LMX1B: variants seen among roughly 807,000 people sequenced by gnomAD.
LMX1B encodes LIM homeobox transcription factor 1 beta.
A neutral mutation model predicts 51.4 loss-of-function variants in LMX1B; 12 were observed. The ratio of observed to expected loss-of-function variants is 0.23; its 90% CI spans 0.15 to 0.38. The LOEUF (loss-of-function observed/expected upper bound fraction) is 0.38, where lower values mean the gene tolerates loss of function less well. LMX1B is among the 10% of genes least tolerant of loss of function. LMX1B has a pLI of 1.00. For synonymous variants in LMX1B, 237 were observed against 235.4 expected, an observed-to-expected ratio of 1.01 and a Z score of -0.06; for missense variants, 445 against 571.1, an observed-to-expected ratio of 0.78 and a Z score of 2.25.
At chr9:126,691,600 T>C (rs1426076969) in intron 3 of LMX1B, among the ~76,000 whole-genome samples, 1 of 152,160 alleles carries the variant, frequency 6.6e-6, no homozygotes, top group Non-Finnish European at 1.5e-5. Flanking sequence ...ACACCTCTTG[T>C]TCTCTGGCCC....
intron 2 of LMX1B, among the ~76,000 whole-genome samples, chr9:126,643,465 C>T (rs1017593093): frequency 1.9e-4 from 29 of 152,176 alleles, no homozygotes; most frequent in African/African-American, 5.3e-4. Context: ...TCTGAACCTC[C>T]GTTGCCTCCT....
intron 2 of LMX1B, among the ~76,000 whole-genome samples, chr9:126,665,616 C>T (rs1836327181): frequency 6.6e-6 from 1 of 152,328 alleles, no homozygotes; most frequent in South Asian, 2.1e-4. Flanking sequence ...CGGGGTTGCC[C>T]TGTCTCTGAT....
chr9:126,639,066 G>A (rs1282537702), intron 2 of LMX1B, among the ~76,000 whole-genome samples: 1 of 151,362 alleles, frequency 6.6e-6, no homozygotes, highest in African/African-American at 2.4e-5. Context: ...GGAGAGTTGG[G>A]AAGGAGAATT....
At chr9:126,696,133 G>GCC (rs2030323215) in intron 7 of LMX1B, 130 bp downstream of exon 7, 17 of 1,161,930 alleles carry the variant, frequency 1.5e-5, no homozygotes, top group Non-Finnish European at 2.1e-5. Context: ...CAGCCCTCCT[G>GCC]CCCCTGCTGA....
intron 2 of LMX1B, among the ~76,000 whole-genome samples, chr9:126,616,554 G>A (rs1451470494): frequency 2.0e-5 from 3 of 152,188 alleles, no homozygotes; most frequent in Admixed American, 6.5e-5. Flanking sequence ...CAGACACAGC[G>A]GGTGCCTGCG....
chr9:126,670,633 G>A (rs1202267914), intron 2 of LMX1B, among the ~76,000 whole-genome samples: 1 of 152,134 alleles, frequency 6.6e-6, no homozygotes, highest in East Asian at 1.9e-4. Flanking sequence ...GGACACGGGT[G>A]AGGGCCTAGA....
At chr9:126,656,040 G>A (rs1836110166) in intron 2 of LMX1B, among the ~76,000 whole-genome samples, 1 of 152,210 alleles carries the variant, frequency 6.6e-6, no homozygotes, top group Non-Finnish European at 1.5e-5. Flanking sequence ...CTCCACTGAA[G>A]TAGAGGATTA....
Position 126,677,808 on chromosome 9 carries a change from G to A in LMX1B, c.327-13028G>A, listed in dbSNP as rs143745050. On this transcript the variant is annotated intron_variant, in intron 2 of 7. Transcript: ENST00000373474. The surrounding 1 kb of genome is among the most constrained non-coding windows in gnomAD (Gnocchi z 5.0). ...GTACTCAGGGCATTGCGGGGAGGAG[G>A]AAGCTTAGTCCAGATCTCAGGAAAG... Among the ~76,000 whole-genome samples, 1 of 152,296 alleles carries A rather than the reference G, an allele frequency of 6.6e-6. No homozygotes were observed. The highest frequency in any genetic ancestry group is 1.5e-5 in the Non-Finnish European group (1 of 68,026).
At chr9:126,679,488 G>C (rs1836633108) in intron 2 of LMX1B, among the ~76,000 whole-genome samples, 1 of 151,824 alleles carries the variant, frequency 6.6e-6, no homozygotes, top group East Asian at 1.9e-4. Context: ...TGGGTGGATA[G>C]ATGGTTGAAG....
chr9:126,654,851 C>T (rs971766782), intron 2 of LMX1B, among the ~76,000 whole-genome samples: 9 of 152,150 alleles, frequency 5.9e-5, no homozygotes, highest in Admixed American at 5.9e-4. Flanking sequence ...GCCATCCAGG[C>T]CTAGACATTC....
intron 2 of LMX1B, among the ~76,000 whole-genome samples, chr9:126,649,725 A>C (rs957462564): frequency 5.9e-5 from 9 of 152,134 alleles, no homozygotes; most frequent in African/African-American, 1.7e-4. Context: ...TCTTGGACTC[A>C]AGTGATCCTC....
Position 126,696,025 on chromosome 9 carries a change from C to T in LMX1B, c.1051+22C>T, listed in dbSNP as rs777876744. 1.7e-4 allele frequency: 233 copies of T among 1,366,538 alleles called. 5 individuals are homozygous for T. The Middle Eastern group carries it at 2.7e-3, about 16-fold the overall frequency. The allele number at this position is 1,366,538 out of a possible 1,614,324, so 84.7% of individuals were successfully genotyped here. A position where few individuals can be genotyped will look rare whatever the true frequency, so the allele number is the denominator to read the frequency against. ...TATGGTAAGCCGCCCTACCCCCACCCGCCCGCCCCAGCACAGCCCCTGCCC... is the reference window on the plus strand; with the variant it reads ...TATGGTAAGCCGCCCTACCCCCACCTGCCCGCCCCAGCACAGCCCCTGCCC... On this transcript the variant is annotated intron_variant, in intron 7 of 7. Coordinates refer to ENST00000373474, the MANE Select transcript of LMX1B (RefSeq NM_001174147.2).
chr9:126,642,045 C>T (rs1208856426), intron 2 of LMX1B, among the ~76,000 whole-genome samples: 1 of 152,134 alleles, frequency 6.6e-6, no homozygotes, highest in South Asian at 2.1e-4. Context: ...CCACCTGGAA[C>T]AGTTCTTCCA....
At chr9:126,670,678 T>A (rs1180677578) in intron 2 of LMX1B, among the ~76,000 whole-genome samples, 3 of 152,180 alleles carry the variant, frequency 2.0e-5, no homozygotes, top group East Asian at 1.9e-4. Flanking sequence ...TGCACACATA[T>A]GTGGTACCTG....
At chr9:126,696,138 T>A in intron 7 of LMX1B, 135 bp downstream of exon 7, 1 of 1,153,690 alleles carries the variant, frequency 8.7e-7, no homozygotes, top group Non-Finnish European at 1.3e-6. Flanking sequence ...CTCCTGCCCC[T>A]GCTGACAGGA....
At chr9:126,681,094 G>T (rs1324156135) in intron 2 of LMX1B, among the ~76,000 whole-genome samples, 1 of 152,148 alleles carries the variant, frequency 6.6e-6, no homozygotes, top group Non-Finnish European at 1.5e-5. Context: ...CCCCAAAGGT[G>T]GGAAACCAGT....
chr9:126,632,169 G>T (rs1735004635), intron 2 of LMX1B, among the ~76,000 whole-genome samples: 1 of 152,208 alleles, frequency 6.6e-6, no homozygotes, highest in Non-Finnish European at 1.5e-5. Context: ...AGAGCGAGAT[G>T]AGATGCTGTG....
At chr9:126,636,439 G>GGTCTTGAAGTCTGTGCTAGAGA (rs1835713912) in intron 2 of LMX1B, among the ~76,000 whole-genome samples, 1 of 152,186 alleles carries the variant, frequency 6.6e-6, no homozygotes. Flanking sequence ...GGTCACAAAA[G>GGTCTTGAAGTCTGTGCTAGAGA]GTCTTGAAGT....
rs1365781807 is a variant in LMX1B, at chr9:126,647,675, G to A, written c.326+32106G>A. Among the ~76,000 whole-genome samples the A allele has an allele frequency of 3.9e-5, 6 of 152,214 alleles. No individual in the cohort carries two copies. In the East Asian group the frequency reaches 7.7e-4, roughly 20 times the overall value. ...CCAGCAGTTCCTTCCAGGAAGCCAC[G>A]CAGGGAGGACCCTTGGAACTGATGG... On this transcript the variant is annotated intron_variant, in intron 2 of 7. Transcript: ENST00000373474.
Sources: gnomAD v4.1 joint callset for allele counts (sites outside exome capture counted in the v4.1 genomes callset) on GRCh38, gnomAD v4.1.1 for gene constraint, Gnocchi (gnomAD v3.1) non-coding constraint, MANE v1.5 for transcripts, NCBI Gene and HGNC (gene_info 2026-07-23, HGNC 2026-07-21) for gene names.